The following FHL2 variants were observed in gnomAD, a reference collection of about 807,000 sequenced individuals.
FHL2 encodes four and a half LIM domains 2, also known as four and a half LIM domains protein 2.
A neutral mutation model predicts 32.7 loss-of-function variants in FHL2; 20 were observed. The ratio of observed to expected loss-of-function variants is 0.61; its 90% CI spans 0.43 to 0.89. The LOEUF (loss-of-function observed/expected upper bound fraction) is 0.89, where lower values mean the gene tolerates loss of function less well. Among genes scored for constraint, FHL2 ranks in the 40% least tolerant of loss-of-function variants. The pLI is 0.00. For missense variants in FHL2, 311 were observed against 358.6 expected, an observed-to-expected ratio of 0.87 and a Z score of 1.07; for synonymous variants, 123 against 128.1, an observed-to-expected ratio of 0.96 and a Z score of 0.27.
intron 3 of FHL2, among the ~76,000 whole-genome samples, chr2:105,381,657 C>A (rs1448392146): frequency 6.6e-6 from 1 of 152,158 alleles, no homozygotes; most frequent in Non-Finnish European, 1.5e-5. Context: ...TAGGACCCTG[C>A]TTGATTAAAT....
chr2:105,377,273 C>G (rs1442631198), intron 3 of FHL2, among the ~76,000 whole-genome samples: 1 of 152,178 alleles, frequency 6.6e-6, no homozygotes, highest in Non-Finnish European at 1.5e-5. Flanking sequence ...GAACAGTACT[C>G]TTAACAGTGG....
intron 1 of FHL2, among the ~76,000 whole-genome samples, chr2:105,408,126 C>T (rs146769838): frequency 1.8e-4 from 27 of 152,330 alleles, no homozygotes; most frequent in Admixed American, 1.8e-3. Context: ...AACAACTATT[C>T]TGTGGCTTTG....
At chr2:105,437,997 C>G (rs1047927042) in intron 1 of FHL2, among the ~76,000 whole-genome samples, 1 of 152,172 alleles carries the variant, frequency 6.6e-6, no homozygotes, top group Admixed American at 6.5e-5. Context: ...GTGGTTTTCT[C>G]CCTTTCCAAT....
At chr2:105,425,767 A>C (rs1025301529) in intron 1 of FHL2, among the ~76,000 whole-genome samples, 4 of 152,064 alleles carry the variant, frequency 2.6e-5, no homozygotes, top group African/African-American at 7.2e-5. Context: ...CTTGAACCTA[A>C]TTATGACATA....
At chr2:105,375,761 G>C (rs1292046890) in intron 3 of FHL2, 1 of 152,236 alleles carries the variant, frequency 6.6e-6, no homozygotes, top group African/African-American at 2.4e-5. Flanking sequence ...AGGGGGACTC[G>C]GGGGCAGGTT....
At chr2:105,405,802 G>A (rs2104648482) in intron 1 of FHL2, among the ~76,000 whole-genome samples, 1 of 152,360 alleles carries the variant, frequency 6.6e-6, no homozygotes, top group Non-Finnish European at 1.5e-5. Context: ...CCCAGGTCCA[G>A]GAGCTCCTAT....
intron 5 of FHL2, among the ~76,000 whole-genome samples, chr2:105,367,280 C>T (rs1680703454): frequency 6.6e-6 from 1 of 152,150 alleles, no homozygotes; most frequent in East Asian, 1.9e-4. Flanking sequence ...TGGTGGCTCC[C>T]CTTCCCTCTA....
chr2:105,363,122 G>A, intron 6 of FHL2, 163 bp downstream of exon 6: 1 of 636,012 alleles, frequency 1.6e-6, no homozygotes, highest in African/African-American at 1.8e-5. Context: ...AGCATAGCCA[G>A]TGCACCAAGG....
chr2:105,421,691 G>C (rs1263745481), intron 1 of FHL2, among the ~76,000 whole-genome samples: 1 of 152,140 alleles, frequency 6.6e-6, no homozygotes, highest in African/African-American at 2.4e-5. Context: ...GCTTGATTGA[G>C]AAAGTGTCTA....
intron 1 of FHL2, 49 bp downstream of exon 1, chr2:105,398,793 C>G (rs1683325915): frequency 7.3e-7 from 1 of 1,363,636 alleles, no homozygotes; most frequent in Non-Finnish European, 9.6e-7. Context: ...CGGTTCGGGT[C>G]CCCTCTCCCA....
chr2:105,407,885 G>A (rs957119284), intron 1 of FHL2, among the ~76,000 whole-genome samples: 11 of 152,242 alleles, frequency 7.2e-5, no homozygotes, highest in South Asian at 2.1e-4. Context: ...TCCTGCAAAC[G>A]GAAGCCACCA....
chr2:105,387,959 C>A (rs1682443309), intron 2 of FHL2, among the ~76,000 whole-genome samples: 1 of 152,182 alleles, frequency 6.6e-6, no homozygotes, highest in Non-Finnish European at 1.5e-5. Context: ...TTTGCAGGAA[C>A]ACGGATGGAG....
At chr2:105,415,055 C>T (rs1683895518) in intron 1 of FHL2, among the ~76,000 whole-genome samples, 1 of 152,116 alleles carries the variant, frequency 6.6e-6, no homozygotes, top group Non-Finnish European at 1.5e-5. Context: ...TGTACACAAA[C>T]GCAGATGTAT....
intron 2 of FHL2, among the ~76,000 whole-genome samples, chr2:105,392,522 A>T (rs1682803554): frequency 6.6e-6 from 1 of 152,154 alleles, no homozygotes; most frequent in Non-Finnish European, 1.5e-5. Flanking sequence ...AGGATGTAAG[A>T]ATAAAGGTTC....
intron 3 of FHL2, chr2:105,386,104 A>T (rs554288319): frequency 1.1e-4 from 50 of 453,874 alleles, no homozygotes; most frequent in African/African-American, 9.3e-4. Flanking sequence ...AAGGGCACTA[A>T]TTGCTAGAAT....
chr2:105,419,911 A>G (rs1258989439), intron 1 of FHL2, among the ~76,000 whole-genome samples: 1 of 152,238 alleles, frequency 6.6e-6, no homozygotes, highest in African/African-American at 2.4e-5. Context: ...CCCCTATACT[A>G]CATAGTCCAG....
chr2:105,370,974 A>T (rs1311431402), intron 4 of FHL2, among the ~76,000 whole-genome samples: 1 of 152,198 alleles, frequency 6.6e-6, no homozygotes, highest in African/African-American at 2.4e-5. Flanking sequence ...TTCTTACCAC[A>T]GAGCCTGAAT....
chr2:105,396,904 T>C, intron 1 of FHL2: 2 of 562,316 alleles, frequency 3.6e-6, no homozygotes, highest in Admixed American at 6.7e-5. Context: ...GAGAGCCGCT[T>C]AGCGACTCAG....
At chr2:105,434,173 A>G (rs190272808) in intron 1 of FHL2, among the ~76,000 whole-genome samples, 51 of 152,374 alleles carry the variant, frequency 3.3e-4, no homozygotes, top group African/African-American at 1.2e-3. Flanking sequence ...TCAATACCTG[A>G]AGCATTCATT....
Sources: allele counts gnomAD v4.1 joint callset (sites outside exome capture counted in the v4.1 genomes callset), GRCh38; gene constraint gnomAD v4.1.1; transcripts MANE v1.5; gene names NCBI Gene and HGNC (gene_info 2026-07-23, HGNC 2026-07-21).